Variants in CACNB4 observed in about 807,000 individuals in gnomAD.
CACNB4 encodes voltage-dependent L-type calcium channel subunit beta-4.
Under a neutral mutation model 71.2 loss-of-function variants are expected in CACNB4, and 32 were observed. The ratio of observed to expected loss-of-function variants is 0.45; its 90% CI spans 0.34 to 0.60. CACNB4 has a LOEUF of 0.60. CACNB4 is among the 20% of genes least tolerant of loss of function. The pLI is 0.01. For synonymous variants in CACNB4, 231 were observed against 236.9 expected (o/e 0.97, Z 0.23); for missense variants, 464 against 647.9 (o/e 0.72, Z 3.08).
intron 2 of CACNB4, among the ~76,000 whole-genome samples, chr2:151,976,895 C>G (rs2099873902): frequency 2.0e-5 from 3 of 152,190 alleles, no homozygotes. Flanking sequence ...CCAGCAAGTT[C>G]AAGTTCCTAG....
intron 2 of CACNB4, among the ~76,000 whole-genome samples, chr2:152,005,865 A>G (rs1682693322): frequency 6.6e-6 from 1 of 152,198 alleles, no homozygotes; most frequent in Admixed American, 6.5e-5. Flanking sequence ...TAGGGATAAC[A>G]ATGGAACCAA....
At chr2:152,047,548 A>C (rs934729033) in intron 2 of CACNB4, among the ~76,000 whole-genome samples, 3 of 152,220 alleles carry the variant, frequency 2.0e-5, no homozygotes, top group African/African-American at 7.2e-5. Flanking sequence ...ATTTACGATT[A>C]TGCTTGTAAC....
intron 4 of CACNB4, 39 bp from the exon 5 acceptor site, chr2:151,876,595 A>C (rs1219561029): frequency 7.8e-7 from 1 of 1,277,388 alleles, no homozygotes; most frequent in South Asian, 1.3e-5. Context: ...ATAGTAATTC[A>C]CTTATCTTCA....
chr2:151,896,138 G>A (rs1407486898), intron 2 of CACNB4, among the ~76,000 whole-genome samples: 3 of 152,254 alleles, frequency 2.0e-5, no homozygotes, highest in East Asian at 1.9e-4. Flanking sequence ...GAGACACCAC[G>A]CCCAGCCAAC....
intron 2 of CACNB4, among the ~76,000 whole-genome samples, chr2:152,061,349 A>T (rs1378706466): frequency 1.3e-5 from 2 of 152,258 alleles, no homozygotes; most frequent in South Asian, 2.1e-4. Flanking sequence ...AATATCTGAA[A>T]TTTTTAAAAT....
chr2:152,036,091 A>G (rs1684575660), intron 2 of CACNB4, among the ~76,000 whole-genome samples: 1 of 152,218 alleles, frequency 6.6e-6, no homozygotes, highest in Non-Finnish European at 1.5e-5. Flanking sequence ...TTCCACTTAT[A>G]TGGGGTATCC....
intron 2 of CACNB4, among the ~76,000 whole-genome samples, chr2:151,893,690 T>C (rs1325091713): frequency 2.0e-5 from 3 of 152,092 alleles, no homozygotes; most frequent in East Asian, 1.9e-4. Flanking sequence ...TAAAATAGCA[T>C]GCCAAAAAGT....
At chr2:151,926,422 C>A (rs1195435336) in intron 2 of CACNB4, among the ~76,000 whole-genome samples, 1 of 152,144 alleles carries the variant, frequency 6.6e-6, no homozygotes, top group Non-Finnish European at 1.5e-5. Flanking sequence ...AAAGCCTGAT[C>A]AGAGCAGACT....
At chr2:151,975,977 G>A (rs1380691978) in intron 2 of CACNB4, among the ~76,000 whole-genome samples, 3 of 152,152 alleles carry the variant, frequency 2.0e-5, no homozygotes, top group Admixed American at 1.3e-4. Flanking sequence ...TACATAGCTC[G>A]GCTCTTCTGT....
At chr2:151,939,097 G>A (rs1351739046) in intron 2 of CACNB4, among the ~76,000 whole-genome samples, 1 of 152,126 alleles carries the variant, frequency 6.6e-6, no homozygotes, top group Non-Finnish European at 1.5e-5. Context: ...CTTCTTTGTT[G>A]GAGATGCTCC....
intron 2 of CACNB4, among the ~76,000 whole-genome samples, chr2:151,945,082 C>A (rs1560043481): frequency 6.6e-6 from 1 of 152,150 alleles, no homozygotes. Flanking sequence ...AGTAGAACTT[C>A]CAGTAAATAT....
chr2:151,996,263 A>G (rs1682036007), intron 2 of CACNB4, among the ~76,000 whole-genome samples: 1 of 152,222 alleles, frequency 6.6e-6, no homozygotes. Flanking sequence ...GATCAAACAC[A>G]GCAAAGTCAA....
At chr2:152,003,975 C>T (rs1048317316) in intron 2 of CACNB4, among the ~76,000 whole-genome samples, 1 of 152,074 alleles carries the variant, frequency 6.6e-6, no homozygotes, top group Non-Finnish European at 1.5e-5. Flanking sequence ...CTCCCAAGTA[C>T]TCGGACCACA....
chr2:151,841,780 A>G (rs2099836290), intron 13 of CACNB4, 123 bp downstream of exon 13: 2 of 782,084 alleles, frequency 2.6e-6, no homozygotes, highest in Non-Finnish European at 4.2e-6. Flanking sequence ...AGATTTTTAA[A>G]TATAATGTGC....
intron 2 of CACNB4, among the ~76,000 whole-genome samples, chr2:151,895,093 G>GCCCCCCCC (rs1386086990): frequency 3.9e-5 from 1 of 25,648 alleles, no homozygotes; most frequent in African/African-American, 9.9e-5. Context: ...AACTCAAATA[G>GCCCCCCCC]CCCCACACAC....
intron 2 of CACNB4, among the ~76,000 whole-genome samples, chr2:152,096,772 A>T (rs1688290895): frequency 6.6e-6 from 1 of 152,246 alleles, no homozygotes; most frequent in South Asian, 2.1e-4. Flanking sequence ...AATTGAGAAA[A>T]GAGTAAGAAT....
intron 2 of CACNB4, among the ~76,000 whole-genome samples, chr2:152,078,572 C>T (rs1687167672): frequency 6.6e-6 from 1 of 152,196 alleles, no homozygotes; most frequent in South Asian, 2.1e-4. Flanking sequence ...TAGATGTCGC[C>T]TCATGACAAA....
At chr2:152,086,408 C>T (rs927872557) in intron 2 of CACNB4, among the ~76,000 whole-genome samples, 4 of 152,196 alleles carry the variant, frequency 2.6e-5, no homozygotes, top group Admixed American at 6.5e-5. Context: ...CTCTCCCACA[C>T]AACTGTGTTG....
chr2:151,856,684 T>C (rs547565451), intron 10 of CACNB4: 2 of 152,236 alleles, frequency 1.3e-5, no homozygotes, highest in South Asian at 4.1e-4. Flanking sequence ...CCAAAGTACA[T>C]ACAGTACACA....
Sources: allele counts gnomAD v4.1 joint callset (sites outside exome capture counted in the v4.1 genomes callset), GRCh38; gene constraint gnomAD v4.1.1; transcripts MANE v1.5; gene names NCBI Gene and HGNC (gene_info 2026-07-23, HGNC 2026-07-21).